The following UTP20 variants were observed in gnomAD, a reference collection of about 807,000 sequenced individuals.
UTP20 encodes the protein small subunit processome component 20 homolog.
In UTP20, 164 loss-of-function variants were observed where a neutral mutation model predicts 329.5. The observed-to-expected ratio is 0.50, with a 90% CI of 0.44 to 0.57. The LOEUF (loss-of-function observed/expected upper bound fraction) is 0.57, where lower values mean the gene tolerates loss of function less well. Among genes scored for constraint, UTP20 ranks in the 20% least tolerant of loss-of-function variants. The pLI is 0.00. For synonymous variants in UTP20, 1,151 were observed against 1,159.3 expected, an observed-to-expected ratio of 0.99 and a Z score of 0.14; for missense variants, 3,055 against 3,284.2, an observed-to-expected ratio of 0.93 and a Z score of 1.71.
chr12:101,300,159 G>A, intron 14 of UTP20, 98 bp downstream of exon 14: 1 of 1,185,120 alleles, frequency 8.4e-7, no homozygotes. Flanking sequence ...CTTACATTGT[G>A]TTCTGGCATA....
intron 25 of UTP20, among the ~76,000 whole-genome samples, chr12:101,325,138 A>G (rs1028702818): frequency 3.3e-5 from 5 of 152,342 alleles, no homozygotes; most frequent in Non-Finnish European, 7.4e-5. Flanking sequence ...TACTCAGAAT[A>G]TAATAGAAAG....
At chr12:101,374,656 C>T (rs943557947) in intron 54 of UTP20, 152 bp from the exon 55 acceptor site, 7 of 553,748 alleles carry the variant, frequency 1.3e-5, no homozygotes, top group Non-Finnish European at 2.2e-5. Flanking sequence ...TATTGGCCAT[C>T]AAAGCTCCAT....
chr12:101,296,168 T>A (rs1348596573), intron 12 of UTP20, among the ~76,000 whole-genome samples: 1 of 152,236 alleles, frequency 6.6e-6, no homozygotes, highest in Non-Finnish European at 1.5e-5. Flanking sequence ...TATACTTATA[T>A]AGATATATAG....
chr12:101,368,849 G>C (rs1870185000), intron 48 of UTP20, among the ~76,000 whole-genome samples: 1 of 152,180 alleles, frequency 6.6e-6, no homozygotes, highest in South Asian at 2.1e-4. Context: ...CAGTTGCAGA[G>C]CTGGGATGTA....
At chr12:101,381,782 G>T (rs1870652727) in intron 58 of UTP20, among the ~76,000 whole-genome samples, 1 of 152,084 alleles carries the variant, frequency 6.6e-6, no homozygotes, top group South Asian at 2.1e-4. Context: ...ACTTTGGGAG[G>T]CCGAGGCAGG....
In UTP20 at chr12:101,299,747, A is replaced by G. The variant is rs749569519; in HGVS notation, c.1496A>G (p.His499Arg). 6.2e-7 allele frequency: 1 copy of G among 1,613,306 alleles called. No homozygotes were observed. The highest frequency in any genetic ancestry group is 8.5e-7 in the Non-Finnish European group (1 of 1,179,712). Residue 499 changes from histidine (H) to arginine (R), a missense_variant, in exon 13 of 62, where the codon CAT becomes CGT. Physicochemically the swap from His to Arg is conservative, Grantham distance 29. Around this residue, in one of 3 missense-constraint regions of UTP20, gnomAD observed 2,445 missense variants for 2,575.5 expected, o/e 0.95. Coordinates refer to ENST00000261637, the MANE Select transcript of UTP20 (RefSeq NM_014503.3). ...GRNEQFPVLD[H>R]LLSIIKLPPN... is the part of the protein sequence containing the mutation. ...AACGAACAGTTTCCAGTATTGGACC[A>G]TCTTTTATCTATAATTAAGTTACCC...
At chr12:101,378,213 C>A (rs910019284) in intron 56 of UTP20, among the ~76,000 whole-genome samples, 1 of 152,174 alleles carries the variant, frequency 6.6e-6, no homozygotes, top group Non-Finnish European at 1.5e-5. Flanking sequence ...ACACTTGTTT[C>A]TTCATCTGTA....
chr12:101,340,185 C>T (rs948807008), intron 31 of UTP20, among the ~76,000 whole-genome samples: 4 of 152,140 alleles, frequency 2.6e-5, no homozygotes, highest in Admixed American at 2.6e-4. Flanking sequence ...AGTCTTGGCA[C>T]TTAAAAATGT....
At chr12:101,357,793 T>TC (rs1424643796) in intron 43 of UTP20, among the ~76,000 whole-genome samples, 2 of 152,032 alleles carry the variant, frequency 1.3e-5, no homozygotes, top group Non-Finnish European at 2.9e-5. Flanking sequence ...TATACAGCAC[T>TC]CCAAGTAGTT....
intron 2 of UTP20, 52 bp downstream of exon 2, chr12:101,281,248 T>C: frequency 2.7e-6 from 4 of 1,486,180 alleles, no homozygotes; most frequent in Non-Finnish European, 3.7e-6. Flanking sequence ...TGTTTTAGTT[T>C]CTTCTGTTAG....
In UTP20 at chr12:101,374,241, A is replaced by T. The variant is rs1289881220; in HGVS notation, c.7131+474A>T. Among the ~76,000 whole-genome samples the T allele has an allele frequency of 6.6e-5, 10 of 152,200 alleles. No homozygotes were observed. In the East Asian group the frequency reaches 9.6e-4, roughly 15 times the overall value. On this transcript the variant is annotated intron_variant, in intron 54 of 61. Transcript: ENST00000261637. ...CAGAGCGAGACTCCGTCTCAAAAAA[A>T]AAAAAAATAAATAAAAAGTAATATA...
At chr12:101,377,208 A>G (rs1052638468) in intron 56 of UTP20, among the ~76,000 whole-genome samples, 1 of 152,256 alleles carries the variant, frequency 6.6e-6, no homozygotes, top group Admixed American at 6.5e-5. Flanking sequence ...CTTCATTGCA[A>G]CATGGCCAGA....
chr12:101,291,742 G>T lies in UTP20; in HGVS notation c.892G>T (p.Glu298Ter). 1.3e-6 allele frequency: 2 copies of T among 1,554,620 alleles called. No individual in the cohort carries two copies. Among genetic ancestry groups the T allele is most frequent in the South Asian group, 1.3e-5 (1 of 79,510 alleles). ...TCTCTGTTAAATTCTTTGTTTGCAGGAATCGCTCTTGGATCTACACACAAA... is the reference window on the plus strand; with the variant it reads ...TCTCTGTTAAATTCTTTGTTTGCAGTAATCGCTCTTGGATCTACACACAAA... Reference protein sequence around the residue: ...HFGTFFECLQESLLDLHTKVT... With the variant: ...HFGTFFECLQ The change falls in exon 9 of 62, where the codon GAA becomes TAA. Residue 298 changes from glutamate (E) to a stop codon, truncating the protein, a stop_gained and splice_region_variant. Transcript: ENST00000261637. LOFTEE classifies it high-confidence loss of function.
At position 101,319,566 on chromosome 12, in the gene UTP20, A is replaced by G. The variant is rs771779384; in HGVS notation, c.2760A>G (p.Gln920=). ...AAAKQLIAHL[Q]VFSKFSNPRA... ...TTAGGCAATTAATTGCTCATTTGCA[A>G]GTTTTCTCTAAATTTTCAAATCCAC... Residue 920 remains glutamine (Q), a synonymous_variant, in exon 23 of 62, where the codon CAA becomes CAG. Coordinates refer to ENST00000261637, the MANE Select transcript of UTP20 (RefSeq NM_014503.3). The G allele has an allele frequency of 6.2e-7, 1 of 1,607,376 alleles. No homozygotes were observed. Among genetic ancestry groups the G allele is most frequent in the Non-Finnish European group, 8.5e-7 (1 of 1,179,038 alleles).
intron 40 of UTP20, 80 bp downstream of exon 40, chr12:101,353,209 A>AT (rs1869596578): frequency 2.5e-5 from 23 of 909,996 alleles, no homozygotes; most frequent in Non-Finnish European, 3.5e-5. Context: ...AGATGGTGAC[A>AT]TTCAACTTAT....
intron 5 of UTP20, among the ~76,000 whole-genome samples, chr12:101,287,018 T>C (rs1231185560): frequency 6.6e-6 from 1 of 152,204 alleles, no homozygotes; most frequent in Non-Finnish European, 1.5e-5. Flanking sequence ...GAGAATGAAT[T>C]TTGTAGTAAC....
chr12:101,383,412 T>C (rs1244097288), intron 59 of UTP20, 99 bp downstream of exon 59: 2 of 1,490,290 alleles, frequency 1.3e-6, no homozygotes, highest in Non-Finnish European at 1.8e-6. Flanking sequence ...AACTTTATCT[T>C]TGAACCCCAA....
chr12:101,292,145 A>G lies in UTP20; in HGVS notation c.1173+41A>G, dbSNP rs757948767. On this transcript the variant is annotated intron_variant, in intron 10 of 61. Coordinates refer to ENST00000261637, the MANE Select transcript of UTP20 (RefSeq NM_014503.3). ...AAATATTAATTGAGCAGTTAATAAT[A>G]TGTTTAGCATTGAGTAACCTTCTGA... 41 of 1,590,608 alleles carry G rather than the reference A, an allele frequency of 2.6e-5. No homozygotes were observed. The Admixed American group carries it at 6.7e-4, about 26-fold the overall frequency.
rs1870105755 is a variant in UTP20, at chr12:101,366,679, T to A, written c.6247T>A (p.Phe2083Ile). Residue 2083 changes from phenylalanine to isoleucine, a missense_variant, in exon 47 of 62, where the codon TTT (phenylalanine) becomes ATT (isoleucine). Phe to Ile is a conservative substitution (Grantham distance 21). Around this residue, in one of 3 missense-constraint regions of UTP20, gnomAD observed 2,445 missense variants for 2,575.5 expected, o/e 0.95. Transcript: ENST00000261637. ...GAGCAGGAAAACCAACATGCACATA[T>A]TTATTGAGTCCGGGCTTCGGGTAAG... ...VVSRKTNMHIFIESGLRLLHL... is the reference protein window; with the variant it reads ...VVSRKTNMHIIIESGLRLLHL... 3.1e-6 allele frequency: 5 copies of A among 1,613,996 alleles called. No homozygotes were observed.
Sources: allele counts gnomAD v4.1 joint callset (sites outside exome capture counted in the v4.1 genomes callset), GRCh38; gene constraint gnomAD v4.1.1; regional missense constraint gnomAD v4.1.1; transcripts MANE v1.5; gene names NCBI Gene and HGNC (gene_info 2026-07-23, HGNC 2026-07-21).